Variants in UTRN observed in about 807,000 individuals in gnomAD.
The protein encoded by UTRN is dystrophin-related protein 1.
UTRN carries 283 observed loss-of-function variants against 463.9 expected under a neutral mutation model. The ratio of observed to expected loss-of-function variants is 0.61; its 90% CI spans 0.55 to 0.67. The LOEUF is 0.67. UTRN is among the 30% of genes least tolerant of loss of function. The probability of loss-of-function intolerance (pLI) is 0.00; values close to 1 mark genes in which losing one functional copy is unlikely to be tolerated. For synonymous variants in UTRN, 1,442 were observed against 1,431.5 expected (o/e 1.01, Z -0.17); for missense variants, 3,922 against 4,084.3 (o/e 0.96, Z 1.08).
chr6:144,637,492 A>G (rs1422625920), intron 51 of UTRN, among the ~76,000 whole-genome samples: 1 of 152,080 alleles, frequency 6.6e-6, no homozygotes, highest in African/African-American at 2.4e-5. Flanking sequence ...GAGCAACTAT[A>G]GTAGTAGATA....
chr6:144,529,894 T>C (rs990620494), intron 41 of UTRN, among the ~76,000 whole-genome samples: 5 of 152,196 alleles, frequency 3.3e-5, no homozygotes, highest in African/African-American at 1.2e-4. Flanking sequence ...TTATTTAGGA[T>C]CCTGGTCCAA....
intron 54 of UTRN, among the ~76,000 whole-genome samples, chr6:144,744,936 T>C (rs1244364240): frequency 6.6e-6 from 1 of 152,188 alleles, no homozygotes; most frequent in Non-Finnish European, 1.5e-5. Flanking sequence ...TATATGCCAA[T>C]AGGCTAGCCA....
At chr6:144,292,865 G>A (rs546479172) in intron 2 of UTRN, among the ~76,000 whole-genome samples, 1 of 152,144 alleles carries the variant, frequency 6.6e-6, no homozygotes, top group Non-Finnish European at 1.5e-5. Flanking sequence ...TTCTTATTAT[G>A]TGAAACTGTA....
intron 2 of UTRN, among the ~76,000 whole-genome samples, chr6:144,305,162 C>A (rs1020562137): frequency 6.6e-6 from 1 of 151,930 alleles, no homozygotes. Flanking sequence ...AATGTTTTGA[C>A]GTATTTGATT....
In UTRN at chr6:144,516,233, T is replaced by A; in HGVS notation, c.5249T>A (p.Leu1750Gln). ...AGAATTCTTTTCCTTCTACAGTTGC[T>A]AATTGCTCAGGAACCATTATACCAA... ...VSQHIKSAKL[L>Q]IAQEPLYQCL... The change falls in exon 38 of 75, where the codon CTA (leucine) becomes CAA (glutamine). Residue 1750 changes from leucine (L) to glutamine (Q), a missense_variant. Around this residue, in one of 3 missense-constraint regions of UTRN, gnomAD observed 2,349 missense variants for 2,303.8 expected, o/e 1.02. Transcript: ENST00000367545. The A allele has an allele frequency of 1.2e-6, 2 of 1,611,472 alleles. No individual in the cohort carries two copies. Among genetic ancestry groups the A allele is most frequent in the Non-Finnish European group, 1.7e-6 (2 of 1,179,484 alleles).
chr6:144,542,733 T>G, intron 45 of UTRN, 62 bp from the exon 46 acceptor site: 1 of 1,527,840 alleles, frequency 6.5e-7, no homozygotes, highest in East Asian at 2.3e-5. Context: ...CCTCTTCTTT[T>G]GAACTACAGT....
intron 48 of UTRN, among the ~76,000 whole-genome samples, chr6:144,551,391 A>C (rs1040709195): frequency 6.6e-6 from 1 of 152,188 alleles, no homozygotes; most frequent in African/African-American, 2.4e-5. Context: ...GAATAAAAAA[A>C]GGTTAAAGGA....
chr6:144,746,469 C>A lies in UTRN; in HGVS notation c.7940-1777C>A, dbSNP rs1790756537. ...GTTACTTGAACCTGTTTCTCTAATT[C>A]ACTTATTTTTTTATTTTTATTTTTA... On this transcript the variant is annotated intron_variant, in intron 54 of 74. Coordinates refer to ENST00000367545, the MANE Select transcript of UTRN (RefSeq NM_007124.3). Among the ~76,000 whole-genome samples, 3 of 151,912 alleles carry A rather than the reference C, an allele frequency of 2.0e-5. No individual in the cohort carries two copies. In the South Asian group the frequency reaches 6.2e-4, roughly 32 times the overall value.
chr6:144,386,594 C>G (rs1167908307), intron 2 of UTRN, among the ~76,000 whole-genome samples: 7 of 152,256 alleles, frequency 4.6e-5, no homozygotes, highest in Non-Finnish European at 4.4e-5. Flanking sequence ...AATTTATACC[C>G]TTTTAGGCAA....
intron 74 of UTRN, among the ~76,000 whole-genome samples, chr6:144,847,576 GC>G (rs1186142346): frequency 6.6e-6 from 1 of 152,142 alleles, no homozygotes; most frequent in African/African-American, 2.4e-5. Flanking sequence ...AGTAGAAGAA[GC>G]AGTCAAGTAC....
Position 144,765,284 on chromosome 6 carries a change from CAAA to C in UTRN, c.8496-6622_8496-6620del, listed in dbSNP as rs796443368. Among the ~76,000 whole-genome samples the C allele has an allele frequency of 3.9e-5, 6 of 152,224 alleles. No homozygotes were observed. In the South Asian group the frequency reaches 1.2e-3, roughly 32 times the overall value. On this transcript the variant is annotated intron_variant, in intron 58 of 74. Coordinates refer to ENST00000367545, the MANE Select transcript of UTRN (RefSeq NM_007124.3). ...TAAACTTTGTCTTATTGTTTTGTAA[CAAA>C]TGTTCTAGTAGTCATACATGCAATA... is the stretch of plus-strand genomic sequence containing the variant.
At chr6:144,531,007 C>T in intron 41 of UTRN, 45 bp from the exon 42 acceptor site, 1 of 1,580,134 alleles carries the variant, frequency 6.3e-7, no homozygotes, top group Non-Finnish European at 8.6e-7. Flanking sequence ...TTAGGCAGTC[C>T]TGGAAAATTT....
At chr6:144,826,222 A>G (rs1206129029) in intron 66 of UTRN, among the ~76,000 whole-genome samples, 1 of 152,000 alleles carries the variant, frequency 6.6e-6, no homozygotes, top group Non-Finnish European at 1.5e-5. Context: ...GAAGAGTCTT[A>G]GTTTTTCATC....
chr6:144,562,230 A>G (rs1407743682), intron 50 of UTRN, among the ~76,000 whole-genome samples: 1 of 152,120 alleles, frequency 6.6e-6, no homozygotes, highest in East Asian at 1.9e-4. Flanking sequence ...TTTATGTTCC[A>G]GGATACATGT....
intron 23 of UTRN, among the ~76,000 whole-genome samples, chr6:144,465,248 A>G (rs1562441761): frequency 6.6e-6 from 1 of 152,256 alleles, no homozygotes; most frequent in Non-Finnish European, 1.5e-5. Context: ...TTAAAAGTAT[A>G]TCTTAGGGTT....
chr6:144,476,871 G>T (rs1791265575), intron 25 of UTRN, among the ~76,000 whole-genome samples: 2 of 152,162 alleles, frequency 1.3e-5, no homozygotes, highest in African/African-American at 4.8e-5. Context: ...CCAACTTTGA[G>T]AAATTTCTGT....
intron 51 of UTRN, among the ~76,000 whole-genome samples, chr6:144,635,420 G>A (rs1777015941): frequency 6.7e-6 from 1 of 150,208 alleles, no homozygotes; most frequent in African/African-American, 2.4e-5. Context: ...CAAAGTGCTA[G>A]AATTAAGGGC....
chr6:144,581,515 T>C (rs1471977167), intron 51 of UTRN, among the ~76,000 whole-genome samples: 2 of 152,222 alleles, frequency 1.3e-5, no homozygotes, highest in Admixed American at 1.3e-4. Context: ...AGCCTCATTT[T>C]CATCGTCTTG....
intron 53 of UTRN, among the ~76,000 whole-genome samples, chr6:144,729,078 G>A (rs1562827643): frequency 2.0e-5 from 3 of 152,222 alleles, no homozygotes; most frequent in Admixed American, 2.0e-4. Flanking sequence ...CGGGTGGCGT[G>A]TGCATGCTTC....
Sources: allele counts gnomAD v4.1 joint callset (sites outside exome capture counted in the v4.1 genomes callset), GRCh38; gene constraint gnomAD v4.1.1; regional missense constraint gnomAD v4.1.1; transcripts MANE v1.5; gene names NCBI Gene and HGNC (gene_info 2026-07-23, HGNC 2026-07-21).